Variants in PEX5L observed in about 807,000 individuals in gnomAD.
PEX5L encodes the protein peroxisomal biogenesis factor 5 like.
A neutral mutation model predicts 84.0 loss-of-function variants in PEX5L; 30 were observed. The observed-to-expected ratio is 0.36, with a 90% CI of 0.27 to 0.48. The LOEUF (loss-of-function observed/expected upper bound fraction) is 0.48, where lower values mean the gene tolerates loss of function less well. Among genes scored for constraint, PEX5L ranks in the 20% least tolerant of loss-of-function variants. The pLI is 0.99. For missense variants in PEX5L, 533 were observed against 754.6 expected, an observed-to-expected ratio of 0.71 and a Z score of 3.44; for synonymous variants, 270 against 283.1, an observed-to-expected ratio of 0.95 and a Z score of 0.46.
chr3:180,011,160 C>T (rs931721460), intron 1 of PEX5L, among the ~76,000 whole-genome samples: 7 of 152,232 alleles, frequency 4.6e-5, no homozygotes, highest in South Asian at 4.2e-4. Flanking sequence ...CCTTAGTGGT[C>T]GTCACCTAAA....
intron 8 of PEX5L, among the ~76,000 whole-genome samples, chr3:179,825,570 C>A (rs896125016): frequency 6.6e-6 from 1 of 151,376 alleles, no homozygotes; most frequent in African/African-American, 2.4e-5. Context: ...TCAATCTAAA[C>A]AGTATAGGTC....
intron 1 of PEX5L, among the ~76,000 whole-genome samples, chr3:180,024,540 G>A (rs1484034227): frequency 2.8e-5 from 3 of 106,988 alleles, no homozygotes; most frequent in East Asian, 2.2e-4. Context: ...GCGAGACTCC[G>A]TTTCAAAAAA....
intron 2 of PEX5L, among the ~76,000 whole-genome samples, chr3:179,957,031 GA>G (rs1780755501): frequency 6.6e-6 from 1 of 152,112 alleles, no homozygotes; most frequent in Admixed American, 6.6e-5. Context: ...GGATCACCTT[GA>G]TTCAATATAA....
chr3:179,847,146 A>G (rs1345825006), intron 8 of PEX5L, among the ~76,000 whole-genome samples: 4 of 151,476 alleles, frequency 2.6e-5, no homozygotes, highest in African/African-American at 9.7e-5. Context: ...ATGTCTGTAT[A>G]TATTGATATA....
In PEX5L at chr3:179,808,350, T is replaced by A; in HGVS notation, c.1440A>T (p.Leu480=). The change falls in exon 13 of 15, where the codon CTA becomes CTT. Residue 480 remains leucine (L), a synonymous_variant. Coordinates refer to ENST00000467460, the MANE Select transcript of PEX5L (RefSeq NM_016559.3). ...CTCCACTCAGGTGGAACAGAACCCCTAGACCTGTCTGCAGGTCTGGGTCGA... is the reference window on the plus strand; with the variant it reads ...CTCCACTCAGGTGGAACAGAACCCCAAGACCTGTCTGCAGGTCTGGGTCGA... ...DMIDPDLQTG[L]GVLFHLSGEF... The A allele has an allele frequency of 1.2e-6, 2 of 1,603,224 alleles. No individual in the cohort carries two copies. Among genetic ancestry groups the A allele is most frequent in the Admixed American group, 3.4e-5 (2 of 58,082 alleles).
intron 8 of PEX5L, among the ~76,000 whole-genome samples, chr3:179,847,081 G>GTATATATATATATA (rs80254022): frequency 9.5e-6 from 1 of 105,554 alleles, no homozygotes; most frequent in African/African-American, 3.0e-5. Flanking sequence ...GTGTGTGTGT[G>GTATATATATATATA]TATATATATA....
At chr3:179,809,095 A>G (rs1380664677) in intron 12 of PEX5L, among the ~76,000 whole-genome samples, 1 of 151,250 alleles carries the variant, frequency 6.6e-6, no homozygotes, top group Non-Finnish European at 1.5e-5. Flanking sequence ...AAAAAAAAAA[A>G]AAAAAGAAAA....
rs1192134578 is a variant in PEX5L at position 179,880,126 on chromosome 3, AC to A, written c.311-4del. 1.3e-6 allele frequency: 2 copies of A among 1,582,714 alleles called. No homozygotes were observed. The highest frequency in any genetic ancestry group is 1.7e-6 in the Non-Finnish European group (2 of 1,164,486). ...GAGATCTAAGCCAGTGGTCAATACT[AC>A]CAGAAATGGAAGAGGTTAAGATAAG... On this transcript the variant is annotated splice_region_variant and splice_polypyrimidine_tract_variant and intron_variant, in intron 4 of 14. Transcript: ENST00000467460.
chr3:180,016,119 C>CCAA (rs1378125175), intron 1 of PEX5L, among the ~76,000 whole-genome samples: 1 of 151,948 alleles, frequency 6.6e-6, no homozygotes, highest in African/African-American at 2.4e-5. Context: ...ACCACCACCA[C>CCAA]CAACACTCAA....
intron 10 of PEX5L, among the ~76,000 whole-genome samples, chr3:179,812,994 T>C (rs1348935150): frequency 6.6e-6 from 1 of 152,182 alleles, no homozygotes; most frequent in Non-Finnish European, 1.5e-5. Flanking sequence ...TCTCATGGGT[T>C]ATAATTACAT....
chr3:179,963,664 A>G (rs1367547839), intron 2 of PEX5L, among the ~76,000 whole-genome samples: 1 of 152,194 alleles, frequency 6.6e-6, no homozygotes, highest in Non-Finnish European at 1.5e-5. Context: ...AAACATGTAA[A>G]AAAGCAGAGA....
Position 179,795,530 on chromosome 3 carries a change from A to G in PEX5L, c.*6298T>C, listed in dbSNP as rs1716585492. On this transcript the variant is annotated 3_prime_UTR_variant, in exon 15 of 15. Coordinates refer to ENST00000467460, the MANE Select transcript of PEX5L (RefSeq NM_016559.3). ...TACATATTATTTCACTAAATCACTGATACAGTATCACATAATATGCCAATC... is the reference window on the plus strand; with the variant it reads ...TACATATTATTTCACTAAATCACTGGTACAGTATCACATAATATGCCAATC... 6.6e-6 allele frequency: 1 copy of G among 152,204 alleles called. No individual in the cohort carries two copies. The highest frequency in any genetic ancestry group is 2.4e-5 in the African/African-American group (1 of 41,458). The allele number at this position is 152,204 out of a possible 1,614,324, so 9.4% of individuals were successfully genotyped here. A position where few individuals can be genotyped will look rare whatever the true frequency, so the allele number is the denominator to read the frequency against.
chr3:179,918,658 A>T (rs1458979945), intron 2 of PEX5L, among the ~76,000 whole-genome samples: 1 of 152,176 alleles, frequency 6.6e-6, no homozygotes, highest in African/African-American at 2.4e-5. Context: ...GGGAATAATG[A>T]CACCCATTTC....
At chr3:179,850,360 C>T (rs144668103) in intron 8 of PEX5L, among the ~76,000 whole-genome samples, 14 of 152,222 alleles carry the variant, frequency 9.2e-5, no homozygotes, top group African/African-American at 3.4e-4. Flanking sequence ...CCTCTGACCT[C>T]AGGTAATCCA....
intron 2 of PEX5L, among the ~76,000 whole-genome samples, chr3:179,959,398 C>A (rs1781460304): frequency 6.6e-6 from 1 of 152,202 alleles, no homozygotes; most frequent in Middle Eastern, 3.2e-3. Flanking sequence ...GGCACTGTAA[C>A]TGTCTGTTGA....
chr3:179,847,983 T>A (rs1042734854), intron 8 of PEX5L, among the ~76,000 whole-genome samples: 12 of 151,390 alleles, frequency 7.9e-5, no homozygotes, highest in South Asian at 4.2e-4. Flanking sequence ...TTTTTTTTTT[T>A]AAATAAAAAC....
At chr3:180,001,546 T>C (rs1788416774) in intron 1 of PEX5L, among the ~76,000 whole-genome samples, 1 of 151,966 alleles carries the variant, frequency 6.6e-6, no homozygotes, top group African/African-American at 2.4e-5. Context: ...CATATATTTG[T>C]AGCTAAACCT....
At chr3:179,961,818 CA>C (rs1432389280) in intron 2 of PEX5L, among the ~76,000 whole-genome samples, 1 of 152,132 alleles carries the variant, frequency 6.6e-6, no homozygotes, top group Non-Finnish European at 1.5e-5. Context: ...CTGCATGGTT[CA>C]TTAGACAAAA....
intron 7 of PEX5L, among the ~76,000 whole-genome samples, chr3:179,861,068 C>T (rs1745950544): frequency 6.6e-6 from 1 of 152,180 alleles, no homozygotes; most frequent in East Asian, 1.9e-4. Context: ...CAGTGTTAGT[C>T]TGTGTTTTGC....
Sources: gnomAD v4.1 joint callset for allele counts (sites outside exome capture counted in the v4.1 genomes callset) on GRCh38, gnomAD v4.1.1 for gene constraint, MANE v1.5 for transcripts, NCBI Gene and HGNC (gene_info 2026-07-23, HGNC 2026-07-21) for gene names.